NKAP: variants seen among roughly 807,000 people sequenced by gnomAD.
NKAP encodes NF-kappa-B-activating protein.
A neutral mutation model predicts 35.6 loss-of-function variants in NKAP; 4 were observed. The ratio of observed to expected loss-of-function variants is 0.11; its 90% CI spans 0.06 to 0.26. NKAP has a LOEUF of 0.26. Ranked by LOEUF, NKAP falls within the 10% of genes least tolerant of loss-of-function variation. The pLI is 1.00. For missense variants in NKAP, 238 were observed against 321.9 expected, an observed-to-expected ratio of 0.74 and a Z score of 1.99; for synonymous variants, 106 against 119.2, an observed-to-expected ratio of 0.89 and a Z score of 0.72.
At chrX:119,928,662 G>A (rs1452058920) in intron 8 of NKAP, among the ~76,000 whole-genome samples, 1 of 111,613 alleles carries the variant, frequency 9.0e-6, no homozygotes, top group Non-Finnish European at 1.9e-5. Flanking sequence ...CTGGATTCAG[G>A]TGATTCTCCT....
intron 8 of NKAP, among the ~76,000 whole-genome samples, chrX:119,927,114 A>C (rs985091996): frequency 7.6e-5 from 8 of 104,961 alleles, no homozygotes; most frequent in Admixed American, 5.2e-4. Context: ...ATTGAACAGC[A>C]GTTTTTATCA....
At chrX:119,938,938 T>C (rs2056779509) in intron 1 of NKAP, 128 bp from the exon 2 acceptor site, 1 of 484,902 alleles carries the variant, frequency 2.1e-6, no homozygotes, top group Non-Finnish European at 3.5e-6. Flanking sequence ...AAAAACTTGG[T>C]TTAAATGTAA....
At chrX:119,931,804 A>C (rs1156347554) in intron 7 of NKAP, 132 bp downstream of exon 7, 1 of 529,932 alleles carries the variant, frequency 1.9e-6, no homozygotes, top group African/African-American at 2.4e-5. Flanking sequence ...AGCCCAGGGA[A>C]TATTTAGTAG....
At chrX:119,934,430 CAAA>C (rs369386190) in intron 5 of NKAP, 61 bp downstream of exon 5, 1,957 of 184,755 alleles carry the variant, frequency 0.011, no homozygotes, top group African/African-American at 0.022. Context: ...GACTCTGTCT[CAAA>C]AAAAAAAAAA....
chrX:119,937,806 G>A (rs917974911), intron 2 of NKAP: 1 of 108,937 alleles, frequency 9.2e-6, no homozygotes. Context: ...GATTACAGGC[G>A]TGAGCCACCG....
At chrX:119,926,246 G>A (rs1323111945) in intron 8 of NKAP, among the ~76,000 whole-genome samples, 2 of 98,685 alleles carry the variant, frequency 2.0e-5, no homozygotes, top group African/African-American at 8.0e-5. Flanking sequence ...GTGAGCCACC[G>A]CGCCTGGCCT....
At position 119,920,739 on chromosome X, in the gene NKAP, C is replaced by A; in HGVS notation, c.*4481G>T. 2.2e-6 allele frequency: 1 copy of A among 452,765 alleles called. No homozygotes were observed. The highest frequency in any genetic ancestry group is 3.6e-6 in the Non-Finnish European group (1 of 279,679). The allele number at this position is 452,765 out of a possible 1,213,427, so 37.3% of individuals were successfully genotyped here. The stretch of plus-strand genomic sequence containing the variant: ...CAATCCAGCTGTATTTTTTTGCATT[C>A]ATTCATTTTCCATTCTGCAACCTCC... On this transcript the variant is annotated 3_prime_UTR_variant, in exon 9 of 9. Coordinates refer to ENST00000371410, the MANE Select transcript of NKAP (RefSeq NM_024528.4).
Position 119,943,713 on chromosome X carries a change from A to C in NKAP, c.-108T>G. 1.1e-6 allele frequency: 1 copy of C among 915,936 alleles called. No homozygotes were observed. Among genetic ancestry groups the C allele is most frequent in the Non-Finnish European group, 1.5e-6 (1 of 683,633 alleles). 75.5% of individuals were successfully genotyped at this position (915,936 alleles called of 1,213,427 possible). On this transcript the variant is annotated 5_prime_UTR_variant, in exon 1 of 9. Coordinates refer to ENST00000371410, the MANE Select transcript of NKAP (RefSeq NM_024528.4). ...GACCTGCCGCTGCGGAACAGCCCAAATCTGAGGAAACCTTGGACACAGTTC... is the reference window on the plus strand; with the variant it reads ...GACCTGCCGCTGCGGAACAGCCCAACTCTGAGGAAACCTTGGACACAGTTC...
intron 8 of NKAP, among the ~76,000 whole-genome samples, chrX:119,926,207 C>T (rs2056712616): frequency 1.9e-5 from 2 of 105,896 alleles, no homozygotes; most frequent in Admixed American, 1.0e-4. Context: ...CCACCCACCT[C>T]GGCCTCCCAA....
Position 119,943,240 on chromosome X carries a change from C to T in NKAP, c.366G>A (p.Arg122=), listed in dbSNP as rs1438357120. 2 of 1,195,311 alleles carry T rather than the reference C, an allele frequency of 1.7e-6. No individual in the cohort carries two copies. The highest frequency in any genetic ancestry group is 3.0e-5 in the East Asian group (1 of 33,547). The change falls in exon 1 of 9, where the codon AGG becomes AGA. Residue 122 remains arginine (R), a synonymous_variant. Transcript: ENST00000371410. ...KPWPSLLDKE[R]EESLRQKRLS... is the part of the protein sequence containing the mutation. ...CTCACTTCTGCCGCAGGCTCTCCTCCCTCTCCTTGTCGAGGAGGCTAGGCC... is the reference window on the plus strand; with the variant it reads ...CTCACTTCTGCCGCAGGCTCTCCTCTCTCTCCTTGTCGAGGAGGCTAGGCC...
In NKAP at chrX:119,930,124, G is replaced by A; in HGVS notation, c.965C>T (p.Ala322Val). Residue 322 changes from alanine to valine, a missense_variant, in exon 8 of 9, where the codon GCT (alanine) becomes GTT (valine). This residue lies in a region of NKAP where 8 missense variants were observed against 69.7 expected (regional missense o/e 0.11). Transcript: ENST00000371410. ...ALLPGEGAAM[A>V]EYVKAGKRIP... Reference sequence around the variant, plus strand: ...ACGTTTTCCAGCTTTTACATATTCAGCCATAGCTGCACCTTCACCAGGTAA... The same window carrying A: ...ACGTTTTCCAGCTTTTACATATTCAACCATAGCTGCACCTTCACCAGGTAA... 8.3e-7 allele frequency: 1 copy of A among 1,207,617 alleles called. No individual in the cohort carries two copies. Among genetic ancestry groups the A allele is most frequent in the Non-Finnish European group, 1.1e-6 (1 of 893,924 alleles).
intron 5 of NKAP, 130 bp downstream of exon 5, chrX:119,934,364 C>T (rs1417626590): frequency 5.6e-6 from 2 of 354,174 alleles, no homozygotes; most frequent in African/African-American, 3.7e-5. Context: ...ACCTGGGAGG[C>T]GGAGGTTGTA....
chrX:119,943,597 C>T lies in NKAP; in HGVS notation c.9G>A (p.Pro3=), dbSNP rs781742658. The T allele has an allele frequency of 3.4e-6, 4 of 1,179,259 alleles. No individual in the cohort carries two copies. The highest frequency in any genetic ancestry group is 4.6e-6 in the Non-Finnish European group (4 of 877,579). MA[P]VSGSRSPDRE... The stretch of plus-strand genomic sequence containing the variant: ...TATCCGGGCTGCGTGAGCCGGACAC[C>T]GGAGCCATGGCTACTGGGGGGCCCC... Residue 3 remains proline (P), a synonymous_variant, in exon 1 of 9, where the codon CCG becomes CCA. Coordinates refer to ENST00000371410, the MANE Select transcript of NKAP (RefSeq NM_024528.4).
At chrX:119,931,551 A>T (rs1341298218) in intron 7 of NKAP, among the ~76,000 whole-genome samples, 1 of 112,101 alleles carries the variant, frequency 8.9e-6, no homozygotes, top group Non-Finnish European at 1.9e-5. Context: ...AAAAAAGAGA[A>T]AAAAAGGAAT....
In NKAP at chrX:119,924,965, C is replaced by T. The variant is rs373433916; in HGVS notation, c.*255G>A. On this transcript the variant is annotated 3_prime_UTR_variant, in exon 9 of 9. Coordinates refer to ENST00000371410, the MANE Select transcript of NKAP (RefSeq NM_024528.4). ...CCTCCCAAAGTGCTGGGATTACAGG[C>T]GTGAGCAACCGTGCCCAGCCCATAA... 4 of 318,930 alleles carry T rather than the reference C, an allele frequency of 1.3e-5. No homozygotes were observed. The highest frequency in any genetic ancestry group is 2.7e-5 in the African/African-American group (1 of 37,159). 26.3% of individuals were successfully genotyped at this position (318,930 alleles called of 1,213,427 possible).
intron 8 of NKAP, 57 bp from the exon 9 acceptor site, chrX:119,925,451 A>G (rs2056706314): frequency 6.3e-6 from 7 of 1,112,219 alleles, no homozygotes; most frequent in Non-Finnish European, 8.4e-6. Flanking sequence ...ATAGTACATC[A>G]TCATTAATCC....
intron 8 of NKAP, among the ~76,000 whole-genome samples, chrX:119,927,038 G>A (rs2056717782): frequency 3.7e-5 from 3 of 80,656 alleles, no homozygotes; most frequent in Admixed American, 1.5e-4. Flanking sequence ...TCCAGCCTGG[G>A]AGACAAGAGT....
intron 2 of NKAP, 81 bp from the exon 3 acceptor site, chrX:119,936,763 T>G: frequency 2.8e-6 from 2 of 714,289 alleles, no homozygotes; most frequent in East Asian, 6.8e-5. Context: ...GAACTCCAAA[T>G]TTTTCAGTAA....
chrX:119,936,345 ACTT>A lies in NKAP; in HGVS notation c.622_624del (p.Lys208del), dbSNP rs779886878. 1.1e-5 allele frequency: 13 copies of A among 1,195,275 alleles called. No homozygotes were observed. The Middle Eastern group carries it at 7.3e-4, about 67-fold the overall frequency. ...GAGTCACTGTCGCTATCTTCAGAAT[ACTT>A]CTTATGTTTTCTTTTCGATGATTTT... On this transcript the variant is annotated inframe_deletion, in exon 4 of 9. Coordinates refer to ENST00000371410, the MANE Select transcript of NKAP (RefSeq NM_024528.4).
Sources: gnomAD v4.1 joint callset for allele counts (sites outside exome capture counted in the v4.1 genomes callset) on GRCh38, gnomAD v4.1.1 for gene constraint, gnomAD v4.1.1 regional missense constraint, MANE v1.5 for transcripts, NCBI Gene and HGNC (gene_info 2026-07-23, HGNC 2026-07-21) for gene names.